Variants in SACM1L observed in about 807,000 individuals in gnomAD.
SACM1L encodes SAC1 like phosphatidylinositide phosphatase, also known as phosphatidylinositol-3-phosphatase SAC1.
In SACM1L, 32 loss-of-function variants were observed where a neutral mutation model predicts 89.5. The ratio of observed to expected loss-of-function variants is 0.36; its 90% CI spans 0.27 to 0.48. The LOEUF is 0.48. SACM1L is among the 20% of genes least tolerant of loss of function. The pLI is 0.99. For missense variants in SACM1L, 543 were observed against 708.5 expected, an observed-to-expected ratio of 0.77 and a Z score of 2.65; for synonymous variants, 213 against 232.8, an observed-to-expected ratio of 0.92 and a Z score of 0.77.
At chr3:45,718,705 A>G (rs190091601) in intron 7 of SACM1L, among the ~76,000 whole-genome samples, 4 of 152,298 alleles carry the variant, frequency 2.6e-5, no homozygotes, top group Admixed American at 1.3e-4. Flanking sequence ...ACTGTTTATT[A>G]TATTTCATAA....
chr3:45,742,274 T>C (rs1699332786), intron 19 of SACM1L, among the ~76,000 whole-genome samples: 1 of 152,202 alleles, frequency 6.6e-6, no homozygotes, highest in African/African-American at 2.4e-5. Context: ...AAAAAGAGAT[T>C]GGATGCTGTG....
intron 7 of SACM1L, among the ~76,000 whole-genome samples, chr3:45,717,714 AC>A (rs1334308139): frequency 6.6e-6 from 1 of 152,078 alleles, no homozygotes; most frequent in Non-Finnish European, 1.5e-5. Context: ...TTTCTGTCAT[AC>A]CCCCCTGCTC....
At chr3:45,726,864 T>G (rs1368774472) in intron 11 of SACM1L, among the ~76,000 whole-genome samples, 2 of 80,042 alleles carry the variant, frequency 2.5e-5, no homozygotes, top group African/African-American at 1.0e-4. Context: ...GCTTTTGCTT[T>G]ATTTCTTTTT....
At chr3:45,694,477 T>A (rs1168655229) in intron 1 of SACM1L, among the ~76,000 whole-genome samples, 2 of 152,194 alleles carry the variant, frequency 1.3e-5, no homozygotes, top group Non-Finnish European at 2.9e-5. Context: ...CAGCTCAGAT[T>A]ATTCTCATGA....
chr3:45,731,835 A>T (rs1339806568), intron 12 of SACM1L, among the ~76,000 whole-genome samples: 1 of 152,160 alleles, frequency 6.6e-6, no homozygotes, highest in Non-Finnish European at 1.5e-5. Context: ...CACATATCAT[A>T]TATATATTTT....
chr3:45,717,622 AGT>A (rs1698690778), intron 7 of SACM1L, among the ~76,000 whole-genome samples: 1 of 152,264 alleles, frequency 6.6e-6, no homozygotes, highest in Admixed American at 6.5e-5. Flanking sequence ...ATTAAGAAAA[AGT>A]GTTACATATA....
intron 8 of SACM1L, 45 bp downstream of exon 8, chr3:45,719,646 G>T (rs1698744272): frequency 9.0e-7 from 1 of 1,107,248 alleles, no homozygotes; most frequent in Non-Finnish European, 1.3e-6. Context: ...TTAATATTTT[G>T]TCTTACGGTG....
intron 9 of SACM1L, among the ~76,000 whole-genome samples, chr3:45,722,407 A>G (rs543158050): frequency 4.1e-4 from 62 of 152,282 alleles, no homozygotes; most frequent in African/African-American, 1.4e-3. Flanking sequence ...CTGATGGCTT[A>G]TAATTGACTT....
intron 1 of SACM1L, among the ~76,000 whole-genome samples, chr3:45,691,881 A>G (rs1171738003): frequency 1.3e-5 from 2 of 152,188 alleles, no homozygotes; most frequent in Admixed American, 6.5e-5. Context: ...CTCTGGTTTT[A>G]TCCTCTACTT....
chr3:45,698,791 G>A (rs894710421), intron 1 of SACM1L, among the ~76,000 whole-genome samples: 8 of 151,432 alleles, frequency 5.3e-5, no homozygotes, highest in African/African-American at 1.7e-4. Flanking sequence ...CTAACTTCAC[G>A]GAGTCTTGCT....
chr3:45,691,572 G>A (rs1285266516), intron 1 of SACM1L, among the ~76,000 whole-genome samples: 1 of 151,710 alleles, frequency 6.6e-6, no homozygotes, highest in Non-Finnish European at 1.5e-5. Flanking sequence ...ATTGCTAAAA[G>A]GATTTATTTA....
Position 45,709,587 on chromosome 3 carries a change from T to C in SACM1L, c.423T>C (p.His141=), listed in dbSNP as rs535882477. The C allele has an allele frequency of 2.5e-6, 4 of 1,613,926 alleles. No homozygotes were observed. The South Asian group carries it at 3.3e-5, about 13-fold the overall frequency. ...FYFSTTYDLT[H]TLQRLSNTSP... ...TTTCAACAACATATGATTTGACCCA[T>C]ACTTTGCAGCGGCTATCCAACACTA... Residue 141 remains histidine, a synonymous_variant, in exon 5 of 20, where the codon CAT becomes CAC. Coordinates refer to ENST00000389061, the MANE Select transcript of SACM1L (RefSeq NM_014016.5).
intron 7 of SACM1L, among the ~76,000 whole-genome samples, chr3:45,715,435 C>T (rs2673032): frequency 0.63 from 95,739 of 152,036 alleles, 30,571 homozygotes; most frequent in Non-Finnish European, 0.66. Flanking sequence ...ATTTTTGTTT[C>T]CCCACCCCGA....
chr3:45,724,433 G>A (rs1231114211), intron 11 of SACM1L, among the ~76,000 whole-genome samples: 1 of 151,794 alleles, frequency 6.6e-6, no homozygotes, highest in Non-Finnish European at 1.5e-5. Context: ...TGTGCTCATT[G>A]GCCATTTGTG....
intron 19 of SACM1L, 129 bp from the exon 20 acceptor site, chr3:45,743,404 G>T: frequency 1.1e-6 from 1 of 922,970 alleles, no homozygotes. Flanking sequence ...CCTTAATTAA[G>T]AGGTTCTTAT....
At chr3:45,722,806 TA>T in intron 9 of SACM1L, 62 bp from the exon 10 acceptor site, 1 of 1,227,784 alleles carries the variant, frequency 8.1e-7, no homozygotes, top group Non-Finnish European at 1.2e-6. Flanking sequence ...CCCCTGACAA[TA>T]AGTAAGGTGA....
At chr3:45,703,386 A>C (rs1464161177) in intron 1 of SACM1L, 52 bp from the exon 2 acceptor site, 4 of 1,222,260 alleles carry the variant, frequency 3.3e-6, no homozygotes, top group Middle Eastern at 3.8e-4. Context: ...GTAGTTTTTT[A>C]GAAGTCTTCA....
chr3:45,702,813 T>C lies in SACM1L; in HGVS notation c.33-625T>C, dbSNP rs540583539. 2.0e-5 allele frequency among the ~76,000 whole-genome samples: 3 copies of C among 152,294 alleles called. No homozygotes were observed. The South Asian group carries it at 6.2e-4, about 32-fold the overall frequency. On this transcript the variant is annotated intron_variant, in intron 1 of 19. Transcript: ENST00000389061. ...GTGTTTCTACCTCCTTTATTTTTTA[T>C]TTTCCAGAGTGAGTTTTTTTCAGGA...
intron 4 of SACM1L, among the ~76,000 whole-genome samples, chr3:45,708,038 ATAAGT>A (rs1698437849): frequency 6.6e-6 from 1 of 150,602 alleles, no homozygotes; most frequent in African/African-American, 2.5e-5. Flanking sequence ...ACGTAACTAT[ATAAGT>A]TAATATCTAT....
Sources: gnomAD v4.1 joint callset for allele counts (sites outside exome capture counted in the v4.1 genomes callset) on GRCh38, gnomAD v4.1.1 for gene constraint, MANE v1.5 for transcripts, NCBI Gene and HGNC (gene_info 2026-07-23, HGNC 2026-07-21) for gene names.